The following NT5DC1 variants were observed in gnomAD, a reference collection of about 807,000 sequenced individuals.
NT5DC1 encodes 5'-nucleotidase domain containing 1.
A neutral mutation model predicts 59.4 loss-of-function variants in NT5DC1; 42 were observed. That is an observed-to-expected ratio of 0.71 (90% confidence interval 0.55 to 0.92). The LOEUF is 0.92. Ranked by LOEUF, NT5DC1 falls within the 40% of genes least tolerant of loss-of-function variation. NT5DC1 has a pLI of 0.00. For missense variants in NT5DC1, 501 were observed against 537.1 expected (o/e 0.93, Z 0.66); for synonymous variants, 172 against 188.1 (o/e 0.91, Z 0.70).
At chr6:116,115,599 C>G (rs895849476) in intron 4 of NT5DC1, 92 bp from the exon 5 acceptor site, 2 of 571,754 alleles carry the variant, frequency 3.5e-6, no homozygotes, top group African/African-American at 3.8e-5. Flanking sequence ...GATAATTAAA[C>G]AAAATCTAGT....
chr6:116,241,386 G>T (rs937286895), intron 11 of NT5DC1, among the ~76,000 whole-genome samples: 1 of 152,158 alleles, frequency 6.6e-6, no homozygotes, highest in African/African-American at 2.4e-5. Flanking sequence ...TTTACATAGA[G>T]AATTAAAATG....
intron 6 of NT5DC1, chr6:116,119,415 A>G (rs1684402150): frequency 6.6e-6 from 1 of 152,546 alleles, no homozygotes; most frequent in Non-Finnish European, 1.5e-5. Flanking sequence ...AGGTTCATTG[A>G]TGAAAGCACC....
intron 6 of NT5DC1, among the ~76,000 whole-genome samples, chr6:116,214,972 C>G (rs1194388607): frequency 1.3e-5 from 2 of 152,042 alleles, no homozygotes; most frequent in Non-Finnish European, 2.9e-5. Context: ...CCAGAGGTCT[C>G]TAGGGTGGGG....
chr6:116,150,918 T>C (rs1250945880), intron 6 of NT5DC1, among the ~76,000 whole-genome samples: 2 of 152,246 alleles, frequency 1.3e-5, no homozygotes, highest in Non-Finnish European at 1.5e-5. Flanking sequence ...TTTTAGGTAC[T>C]ATGATTGACA....
intron 6 of NT5DC1, among the ~76,000 whole-genome samples, chr6:116,189,773 A>C (rs1454933459): frequency 6.6e-6 from 1 of 152,050 alleles, no homozygotes; most frequent in African/African-American, 2.4e-5. Flanking sequence ...GATGGATACA[A>C]AAATCCATTC....
intron 6 of NT5DC1, among the ~76,000 whole-genome samples, chr6:116,205,282 A>T (rs903995998): frequency 6.6e-6 from 1 of 152,114 alleles, no homozygotes; most frequent in East Asian, 1.9e-4. Context: ...TAAAATGACA[A>T]CAATGATACT....
intron 7 of NT5DC1, among the ~76,000 whole-genome samples, 180 bp from the exon 8 acceptor site, chr6:116,222,854 A>T (rs890526975): frequency 6.6e-6 from 1 of 152,166 alleles, no homozygotes; most frequent in African/African-American, 2.4e-5. Flanking sequence ...GTACTCACCC[A>T]CCTTCTATTT....
chr6:116,219,276 C>T (rs1781746181), intron 6 of NT5DC1, among the ~76,000 whole-genome samples: 1 of 152,158 alleles, frequency 6.6e-6, no homozygotes, highest in Non-Finnish European at 1.5e-5. Context: ...TTGATGATAA[C>T]CGCTGCAGTT....
chr6:116,182,175 A>G (rs568090521), intron 6 of NT5DC1, among the ~76,000 whole-genome samples: 1 of 151,466 alleles, frequency 6.6e-6, no homozygotes, highest in South Asian at 2.1e-4. Context: ...GTTGCTACAA[A>G]TGCCATTATT....
chr6:116,205,913 A>T (rs1324970381), intron 6 of NT5DC1, among the ~76,000 whole-genome samples: 3 of 151,894 alleles, frequency 2.0e-5, no homozygotes, highest in Admixed American at 6.6e-5. Context: ...CCTCATTTTC[A>T]TATCTGCACA....
chr6:116,128,088 A>G lies in NT5DC1; in HGVS notation c.529+10143A>G, dbSNP rs567475188. On this transcript the variant is annotated intron_variant, in intron 6 of 11. Coordinates refer to ENST00000319550, the MANE Select transcript of NT5DC1 (RefSeq NM_152729.3). ...GTTAGTACTTATTAGAGACACAAAA[A>G]AATCCATACCAGGAGGTTGTATGTC... 4.1e-4 allele frequency among the ~76,000 whole-genome samples: 63 copies of G among 152,286 alleles called. 1 individual carries two copies. Among genetic ancestry groups the G allele is most frequent in the African/African-American group, 1.4e-3 (59 of 41,572 alleles).
intron 7 of NT5DC1, among the ~76,000 whole-genome samples, chr6:116,221,457 G>A (rs867686033): frequency 3.9e-5 from 6 of 152,116 alleles, no homozygotes; most frequent in South Asian, 4.2e-4. Flanking sequence ...ATAGCTCACC[G>A]AATGTCCAGG....
intron 6 of NT5DC1, among the ~76,000 whole-genome samples, chr6:116,129,993 A>T (rs1191347115): frequency 6.6e-6 from 1 of 152,126 alleles, no homozygotes; most frequent in Non-Finnish European, 1.5e-5. Flanking sequence ...GGTATGATAT[A>T]CTTCTGTTAG....
chr6:116,121,817 G>A lies in NT5DC1; in HGVS notation c.529+3872G>A, dbSNP rs538524572. On this transcript the variant is annotated intron_variant, in intron 6 of 11. Coordinates refer to ENST00000319550, the MANE Select transcript of NT5DC1 (RefSeq NM_152729.3). ...TGGTTTCCCTACAGCTGATGGTCCCGGTGGTCCTGGCAACCCTGGCTCTCC... is the reference window on the plus strand; with the variant it reads ...TGGTTTCCCTACAGCTGATGGTCCCAGTGGTCCTGGCAACCCTGGCTCTCC... 1.0e-4 allele frequency: 163 copies of A among 1,613,922 alleles called. No individual in the cohort carries two copies. The highest frequency in any genetic ancestry group is 3.4e-4 in the South Asian group (31 of 91,048).
At chr6:116,152,715 G>GCCATACTTCTTGGTTAGAATGTT (rs1780077374) in intron 6 of NT5DC1, among the ~76,000 whole-genome samples, 1 of 151,982 alleles carries the variant, frequency 6.6e-6, no homozygotes, top group Non-Finnish European at 1.5e-5. Context: ...TCTTTTTACA[G>GCCATACTTCTTGGTTAGAATGTT]CCATACTTCT....
chr6:116,231,705 G>A (rs147173858), intron 8 of NT5DC1, among the ~76,000 whole-genome samples: 3,861 of 152,230 alleles, frequency 0.025, 48 homozygotes, highest in Non-Finnish European at 0.03. Flanking sequence ...ACTTGTAACA[G>A]AAAAACATTG....
intron 1 of NT5DC1, 92 bp downstream of exon 1, chr6:116,101,115 GC>G: frequency 1.1e-6 from 1 of 917,894 alleles, no homozygotes; most frequent in Non-Finnish European, 1.6e-6. Flanking sequence ...GGCGGACGCT[GC>G]CCGGGGCCTG....
At chr6:116,116,805 G>A (rs182405294) in intron 5 of NT5DC1, among the ~76,000 whole-genome samples, 13 of 152,000 alleles carry the variant, frequency 8.6e-5, no homozygotes, top group East Asian at 1.9e-4. Flanking sequence ...TTTCTCATTC[G>A]GTAGTTACTA....
intron 6 of NT5DC1, among the ~76,000 whole-genome samples, chr6:116,204,643 A>G (rs911825234): frequency 8.6e-5 from 13 of 152,014 alleles, no homozygotes; most frequent in African/African-American, 3.1e-4. Context: ...ACTCATATGT[A>G]TACATGGACT....
Sources: allele counts gnomAD v4.1 joint callset (sites outside exome capture counted in the v4.1 genomes callset), GRCh38; gene constraint gnomAD v4.1.1; transcripts MANE v1.5; gene names NCBI Gene and HGNC (gene_info 2026-07-23, HGNC 2026-07-21).